The following CCSER1 variants were observed in gnomAD, a reference collection of about 807,000 sequenced individuals.
CCSER1 encodes the protein coiled-coil serine rich protein 1.
Under a neutral mutation model 82.0 loss-of-function variants are expected in CCSER1, and 41 were observed. The ratio of observed to expected loss-of-function variants is 0.50; its 90% CI spans 0.39 to 0.65. The LOEUF is 0.65. Among genes scored for constraint, CCSER1 ranks in the 30% least tolerant of loss-of-function variants. The pLI is 0.00. For synonymous variants in CCSER1, 414 were observed against 383.9 expected, an observed-to-expected ratio of 1.08 and a Z score of -0.92; for missense variants, 1,119 against 1,064.2, an observed-to-expected ratio of 1.05 and a Z score of -0.72.
intron 1 of CCSER1, among the ~76,000 whole-genome samples, chr4:90,261,490 T>C (rs1560898568): frequency 6.6e-6 from 1 of 152,196 alleles, no homozygotes; most frequent in Non-Finnish European, 1.5e-5. Flanking sequence ...TAGCTTTTCC[T>C]CTGTGGGTTA....
chr4:91,068,156 T>C (rs556691429), intron 9 of CCSER1, among the ~76,000 whole-genome samples: 21 of 152,370 alleles, frequency 1.4e-4, no homozygotes, highest in Admixed American at 2.6e-4. Flanking sequence ...CAATTAGTTA[T>C]AACATTCTCT....
intron 1 of CCSER1, among the ~76,000 whole-genome samples, chr4:90,193,426 A>G (rs1188940867): frequency 6.6e-6 from 1 of 151,882 alleles, no homozygotes; most frequent in African/African-American, 2.4e-5. Flanking sequence ...TTGAATAGCT[A>G]AGTATGAATA....
At chr4:90,288,383 C>T (rs1730292013) in intron 1 of CCSER1, among the ~76,000 whole-genome samples, 1 of 151,960 alleles carries the variant, frequency 6.6e-6, no homozygotes, top group Non-Finnish European at 1.5e-5. Flanking sequence ...CACCTCCATA[C>T]TTGTCTTCTT....
At chr4:90,931,969 T>A (rs977999464) in intron 9 of CCSER1, among the ~76,000 whole-genome samples, 16 of 152,134 alleles carry the variant, frequency 1.1e-4, no homozygotes, top group Non-Finnish European at 1.5e-5. Context: ...TAAAAAGCCA[T>A]AGAGAGCTAA....
At chr4:90,245,641 A>G (rs528849691) in intron 1 of CCSER1, among the ~76,000 whole-genome samples, 2 of 152,202 alleles carry the variant, frequency 1.3e-5, no homozygotes, top group Non-Finnish European at 2.9e-5. Flanking sequence ...AAATGGGTAC[A>G]TGGATCTATA....
intron 3 of CCSER1, among the ~76,000 whole-genome samples, chr4:90,355,527 A>G (rs1017821404): frequency 1.3e-5 from 2 of 151,984 alleles, no homozygotes; most frequent in Non-Finnish European, 2.9e-5. Flanking sequence ...ACCTATTTTC[A>G]TATCAGAAAA....
intron 8 of CCSER1, among the ~76,000 whole-genome samples, chr4:90,917,579 G>T (rs1727681208): frequency 6.6e-6 from 1 of 152,004 alleles, no homozygotes; most frequent in Non-Finnish European, 1.5e-5. Context: ...CAGTTAATGG[G>T]TGCAGCACAC....
chr4:90,600,325 G>T (rs191055636), intron 5 of CCSER1, among the ~76,000 whole-genome samples: 3 of 152,234 alleles, frequency 2.0e-5, no homozygotes, highest in South Asian at 2.1e-4. Context: ...GAGCATATGA[G>T]ATTTCCTACC....
At chr4:90,767,568 GA>G (rs1751436462) in intron 7 of CCSER1, among the ~76,000 whole-genome samples, 1 of 152,130 alleles carries the variant, frequency 6.6e-6, no homozygotes, top group South Asian at 2.1e-4. Flanking sequence ...CTGGATCTAA[GA>G]AAATATAATT....
chr4:90,540,301 C>T (rs1560686676), intron 5 of CCSER1, among the ~76,000 whole-genome samples: 1 of 151,836 alleles, frequency 6.6e-6, no homozygotes, highest in Non-Finnish European at 1.5e-5. Flanking sequence ...AATTCAATAA[C>T]ATATTTTGTG....
intron 9 of CCSER1, among the ~76,000 whole-genome samples, chr4:90,961,247 T>A (rs959123515): frequency 3.9e-5 from 6 of 152,310 alleles, no homozygotes; most frequent in Non-Finnish European, 5.9e-5. Context: ...CTTTTCCCTA[T>A]CCAGCATTCA....
At chr4:90,656,967 G>GATATGTGATC (rs937967793) in intron 6 of CCSER1, among the ~76,000 whole-genome samples, 1 of 151,912 alleles carries the variant, frequency 6.6e-6, no homozygotes, top group African/African-American at 2.4e-5. Flanking sequence ...TAATTCAACA[G>GATATGTGATC]ATATGTGATC....
chr4:90,458,794 T>A (rs1379003940), intron 4 of CCSER1, among the ~76,000 whole-genome samples: 6 of 152,214 alleles, frequency 3.9e-5, no homozygotes. Flanking sequence ...TGTGTGGAAT[T>A]TTTGTCAGTG....
At chr4:91,172,269 T>C (rs1343768414) in intron 10 of CCSER1, among the ~76,000 whole-genome samples, 2 of 152,150 alleles carry the variant, frequency 1.3e-5, no homozygotes, top group African/African-American at 4.8e-5. Flanking sequence ...GGGATATACA[T>C]ATTGTTAAAA....
chr4:90,255,377 A>G (rs1333440615), intron 1 of CCSER1, among the ~76,000 whole-genome samples: 1 of 152,148 alleles, frequency 6.6e-6, no homozygotes, highest in South Asian at 2.1e-4. Context: ...TGGAATGATT[A>G]ATGATATCAA....
At chr4:90,957,160 T>C (rs1454077793) in intron 9 of CCSER1, among the ~76,000 whole-genome samples, 1 of 136,356 alleles carries the variant, frequency 7.3e-6, no homozygotes, top group Non-Finnish European at 1.5e-5. Context: ...TGGAGTGCAG[T>C]GGCGCGATCT....
chr4:90,201,472 C>T (rs1054646276), intron 1 of CCSER1, among the ~76,000 whole-genome samples: 5 of 150,522 alleles, frequency 3.3e-5, no homozygotes, highest in Non-Finnish European at 7.4e-5. Context: ...TATCTCATAG[C>T]CATAGTTTTA....
At chr4:90,218,892 T>C (rs552206957) in intron 1 of CCSER1, among the ~76,000 whole-genome samples, 1 of 152,076 alleles carries the variant, frequency 6.6e-6, no homozygotes, top group South Asian at 2.1e-4. Flanking sequence ...GTCTATGGAG[T>C]AGGATGCCTG....
chr4:91,126,188 T>C (rs1395512136), intron 10 of CCSER1, among the ~76,000 whole-genome samples: 3 of 151,858 alleles, frequency 2.0e-5, no homozygotes, highest in Non-Finnish European at 4.4e-5. Flanking sequence ...GTTTAGGAAA[T>C]GCATAAGATT....
Sources: gnomAD v4.1 joint callset for allele counts (sites outside exome capture counted in the v4.1 genomes callset) on GRCh38, gnomAD v4.1.1 for gene constraint, MANE v1.5 for transcripts, NCBI Gene and HGNC (gene_info 2026-07-23, HGNC 2026-07-21) for gene names.